Variants in STYX observed in about 807,000 individuals in gnomAD.
The protein encoded by STYX is serine/threonine/tyrosine-interacting protein.
Under a neutral mutation model 42.7 loss-of-function variants are expected in STYX, and 20 were observed. The observed-to-expected ratio is 0.47, with a 90% CI of 0.33 to 0.68. The LOEUF is 0.68. Ranked by LOEUF, STYX falls within the 30% of genes least tolerant of loss-of-function variation. STYX has a pLI of 0.02. For synonymous variants in STYX, 78 were observed against 81.9 expected (o/e 0.95, Z 0.26); for missense variants, 226 against 268.5 (o/e 0.84, Z 1.11).
In STYX at chr14:52,772,447, T is replaced by C. The variant is rs1281465856; in HGVS notation, c.*1341T>C. 1 of 152,648 alleles carries C rather than the reference T, an allele frequency of 6.6e-6. No homozygotes were observed. Among genetic ancestry groups the C allele is most frequent in the Non-Finnish European group, 1.5e-5 (1 of 68,018 alleles). The allele number at this position is 152,648 out of a possible 1,614,324, so 9.5% of individuals were successfully genotyped here. A position where few individuals can be genotyped will look rare whatever the true frequency, so the allele number is the denominator to read the frequency against. ...TGTTTTAGTTTGTGTGTATAAAAGTTCTAAGAAAACATTTTTGCTATTTTA... is the reference window on the plus strand; with the variant it reads ...TGTTTTAGTTTGTGTGTATAAAAGTCCTAAGAAAACATTTTTGCTATTTTA... On this transcript the variant is annotated 3_prime_UTR_variant, in exon 11 of 11. Transcript: ENST00000354586.
At chr14:52,733,463 C>T (rs1594861133) in intron 1 of STYX, among the ~76,000 whole-genome samples, 1 of 152,254 alleles carries the variant, frequency 6.6e-6, no homozygotes, top group South Asian at 2.1e-4. Flanking sequence ...TCAGATCCCA[C>T]AGGTTAATGG....
At chr14:52,768,138 C>T (rs559862182) in intron 9 of STYX, among the ~76,000 whole-genome samples, 2 of 152,208 alleles carry the variant, frequency 1.3e-5, no homozygotes, top group South Asian at 2.1e-4. Context: ...CCTACTCTGG[C>T]CCACAGAGGA....
intron 1 of STYX, chr14:52,731,538 A>G (rs375310390): frequency 6.8e-6 from 1 of 146,964 alleles, no homozygotes; most frequent in African/African-American, 2.5e-5. Context: ...TCCGGGTTCA[A>G]GCGATTCTCC....
intron 9 of STYX, among the ~76,000 whole-genome samples, chr14:52,763,486 T>G (rs978278322): frequency 6.6e-6 from 1 of 152,202 alleles, no homozygotes; most frequent in Admixed American, 6.5e-5. Flanking sequence ...GGCTATTAAT[T>G]ATCCTCTTTG....
chr14:52,758,603 G>A (rs373223284), intron 8 of STYX, among the ~76,000 whole-genome samples: 92 of 152,088 alleles, frequency 6.0e-4, no homozygotes, highest in African/African-American at 1.9e-3. Context: ...TTGAGACGGC[G>A]TCTTGCTCTA....
intron 4 of STYX, among the ~76,000 whole-genome samples, chr14:52,754,301 C>G (rs1881762728): frequency 6.6e-6 from 1 of 152,000 alleles, no homozygotes; most frequent in African/African-American, 2.4e-5. Flanking sequence ...TAGCCTTGAC[C>G]TCCCAGGCTC....
chr14:52,768,969 G>A (rs2139939726), intron 10 of STYX, 36 bp downstream of exon 10: 1 of 1,451,630 alleles, frequency 6.9e-7, no homozygotes, highest in Non-Finnish European at 9.4e-7. Flanking sequence ...AATTTGGGAA[G>A]AAAGATAATG....
chr14:52,764,889 G>A (rs1046272139), intron 9 of STYX, among the ~76,000 whole-genome samples: 2 of 151,788 alleles, frequency 1.3e-5, no homozygotes, highest in Non-Finnish European at 2.9e-5. Flanking sequence ...GGATGGTCTC[G>A]AATTCCTGAG....
chr14:52,739,877 A>G (rs996342737), intron 1 of STYX, among the ~76,000 whole-genome samples: 3 of 151,938 alleles, frequency 2.0e-5, no homozygotes, highest in African/African-American at 7.3e-5. Context: ...CTCGGGCTCA[A>G]GCTATCCTCC....
chr14:52,735,935 A>G (rs1467861195), intron 1 of STYX, among the ~76,000 whole-genome samples: 1 of 152,178 alleles, frequency 6.6e-6, no homozygotes, highest in Admixed American at 6.5e-5. Flanking sequence ...TTTTTCATGA[A>G]TTTCCATTGT....
At chr14:52,757,618 T>C in intron 6 of STYX, 125 bp from the exon 7 acceptor site, 2 of 902,104 alleles carry the variant, frequency 2.2e-6, no homozygotes, top group South Asian at 3.2e-5. Context: ...TAATAACAAA[T>C]TGTAAAGATT....
At chr14:52,760,853 A>T (rs58317443) in intron 9 of STYX, among the ~76,000 whole-genome samples, 54,996 of 151,572 alleles carry the variant, frequency 0.36, 10,322 homozygotes, top group South Asian at 0.41. Context: ...TAGGTTAGGT[A>T]TTTCGATACA....
At position 52,730,428 on chromosome 14, in the gene STYX, C is replaced by T; in HGVS notation, c.-47C>T. ...CGCAGCCAGCCCGAGGGTCGGCCGG[C>T]TGTGTAACACTCTCCCACCCCACCC... On this transcript the variant is annotated 5_prime_UTR_variant, in exon 1 of 11. Transcript: ENST00000354586. The T allele has an allele frequency of 1.2e-6, 2 of 1,602,782 alleles. No individual in the cohort carries two copies. The highest frequency in any genetic ancestry group is 1.7e-6 in the Non-Finnish European group (2 of 1,173,936).
intron 3 of STYX, among the ~76,000 whole-genome samples, chr14:52,746,696 T>C (rs1881409567): frequency 1.3e-5 from 2 of 152,230 alleles, no homozygotes; most frequent in Non-Finnish European, 2.9e-5. Flanking sequence ...TTTTTCCTCA[T>C]GAAATTTGTA....
In STYX at chr14:52,771,486, TA is replaced by T. The variant is rs148084154; in HGVS notation, c.*383del. 3.6e-3 allele frequency: 564 copies of T among 157,208 alleles called. 5 individuals carry two copies. The highest frequency in any genetic ancestry group is 0.013 in the African/African-American group (528 of 41,732). The allele number at this position is 157,208 out of a possible 1,614,324, so 9.7% of individuals were successfully genotyped here. A position where few individuals can be genotyped will look rare whatever the true frequency, so the allele number is the denominator to read the frequency against. ...AATGCAAGTATGGGGGGATTGTTTATAAAGTTTGGGTAATTTATAACAAAAT... is the reference window on the plus strand; with the variant it reads ...AATGCAAGTATGGGGGGATTGTTTATAAGTTTGGGTAATTTATAACAAAAT... On this transcript the variant is annotated 3_prime_UTR_variant, in exon 11 of 11. Coordinates refer to ENST00000354586, the MANE Select transcript of STYX (RefSeq NM_145251.4).
chr14:52,773,986 T>C lies in STYX; in HGVS notation c.*2880T>C, dbSNP rs940693637. 9.8e-5 allele frequency: 15 copies of C among 152,374 alleles called. No individual in the cohort carries two copies. The highest frequency in any genetic ancestry group is 3.6e-4 in the African/African-American group (15 of 41,592). The allele number at this position is 152,374 out of a possible 1,614,324, so 9.4% of individuals were successfully genotyped here. A position where few individuals can be genotyped will look rare whatever the true frequency, so the allele number is the denominator to read the frequency against. ...TGTATTACTGTCCATTTTGAAAATA[T>C]GAAACTTGAGTATTGAAAATATTCA... is the stretch of plus-strand genomic sequence containing the variant. On this transcript the variant is annotated 3_prime_UTR_variant, in exon 11 of 11. Transcript: ENST00000354586.
chr14:52,741,393 A>T (rs1881187065), intron 1 of STYX, among the ~76,000 whole-genome samples: 2 of 151,906 alleles, frequency 1.3e-5, no homozygotes, highest in South Asian at 4.2e-4. Flanking sequence ...AACTTTAACC[A>T]TTCTAATGGT....
chr14:52,742,797 A>G (rs1036672812), intron 1 of STYX, among the ~76,000 whole-genome samples: 1 of 138,394 alleles, frequency 7.2e-6, no homozygotes, highest in Non-Finnish European at 1.6e-5. Flanking sequence ...GAATCTTTTG[A>G]TTTTTTTTTT....
At chr14:52,749,603 G>A (rs1042479895) in intron 3 of STYX, among the ~76,000 whole-genome samples, 9 of 152,072 alleles carry the variant, frequency 5.9e-5, no homozygotes, top group African/African-American at 2.2e-4. Context: ...CACATACTAT[G>A]TATCAGTGAA....
Sources: allele counts gnomAD v4.1 joint callset (sites outside exome capture counted in the v4.1 genomes callset), GRCh38; gene constraint gnomAD v4.1.1; transcripts MANE v1.5; gene names NCBI Gene and HGNC (gene_info 2026-07-23, HGNC 2026-07-21).